TBC1D15: variants seen among roughly 807,000 people sequenced by gnomAD.
TBC1D15 encodes GAP for RAB7.
A neutral mutation model predicts 95.4 loss-of-function variants in TBC1D15; 39 were observed. The ratio of observed to expected loss-of-function variants is 0.41; its 90% CI spans 0.32 to 0.53. The LOEUF (loss-of-function observed/expected upper bound fraction) is 0.53, where lower values mean the gene tolerates loss of function less well. Ranked by LOEUF, TBC1D15 falls within the 20% of genes least tolerant of loss-of-function variation. The pLI is 0.29. For synonymous variants in TBC1D15, 258 were observed against 261.3 expected (o/e 0.99, Z 0.12); for missense variants, 733 against 794.3 (o/e 0.92, Z 0.93).
intron 10 of TBC1D15, among the ~76,000 whole-genome samples, chr12:71,898,759 G>A (rs1226056479): frequency 6.6e-6 from 1 of 152,060 alleles, no homozygotes; most frequent in Non-Finnish European, 1.5e-5. Flanking sequence ...TGTTACTGCT[G>A]TTAACACCCT....
chr12:71,884,625 T>C (rs1895867045), intron 4 of TBC1D15, among the ~76,000 whole-genome samples, 186 bp from the exon 5 acceptor site: 1 of 152,128 alleles, frequency 6.6e-6, no homozygotes, highest in African/African-American at 2.4e-5. Context: ...GATAATTATT[T>C]TAAAAATCAT....
At chr12:71,877,210 GTT>G (rs370164812) in intron 3 of TBC1D15, among the ~76,000 whole-genome samples, 2 of 133,872 alleles carry the variant, frequency 1.5e-5, no homozygotes, top group Non-Finnish European at 3.2e-5. Context: ...GTGTGTGTGT[GTT>G]TTTTTTTTTT....
chr12:71,885,640 G>A (rs1896074706), intron 5 of TBC1D15, among the ~76,000 whole-genome samples: 1 of 152,174 alleles, frequency 6.6e-6, no homozygotes, highest in African/African-American at 2.4e-5. Context: ...TGTGAAGGAT[G>A]TCAACAAGTA....
intron 1 of TBC1D15, among the ~76,000 whole-genome samples, chr12:71,847,705 C>T (rs1886684846): frequency 6.6e-6 from 1 of 150,916 alleles, no homozygotes; most frequent in African/African-American, 2.4e-5. Flanking sequence ...AAAAAAAACC[C>T]CACAAATAAT....
chr12:71,898,657 A>G (rs1016437637), intron 10 of TBC1D15, among the ~76,000 whole-genome samples: 3 of 152,140 alleles, frequency 2.0e-5, no homozygotes, highest in African/African-American at 7.2e-5. Flanking sequence ...ATTTTAGGAT[A>G]GCATTGGATA....
chr12:71,899,321 G>T (rs1898847444), intron 10 of TBC1D15, among the ~76,000 whole-genome samples: 1 of 152,150 alleles, frequency 6.6e-6, no homozygotes. Context: ...ATTTTTAGCA[G>T]ATAAAGTTGA....
chr12:71,913,791 G>A lies in TBC1D15; in HGVS notation c.1301-35G>A, dbSNP rs372574067. Reference sequence around the variant, plus strand: ...ACTTGCAGAAGGTTACATAAAACTTGGGTTTTCAGAGATGATTTTTTCTTT... The same window carrying A: ...ACTTGCAGAAGGTTACATAAAACTTAGGTTTTCAGAGATGATTTTTTCTTT... On this transcript the variant is annotated intron_variant, in intron 11 of 16. Coordinates refer to ENST00000485960, the MANE Select transcript of TBC1D15 (RefSeq NM_001146213.3). 55 of 1,448,170 alleles carry A rather than the reference G, an allele frequency of 3.8e-5. 1 individual carries two copies. The highest frequency in any genetic ancestry group is 4.8e-5 in the Non-Finnish European group (51 of 1,065,216). 89.7% of individuals were successfully genotyped at this position (1,448,170 alleles called of 1,614,324 possible).
chr12:71,903,329 A>G (rs1899894392), intron 10 of TBC1D15, among the ~76,000 whole-genome samples: 1 of 152,210 alleles, frequency 6.6e-6, no homozygotes, highest in African/African-American at 2.4e-5. Context: ...ACCATCTCCT[A>G]CTAGTCATGA....
intron 7 of TBC1D15, among the ~76,000 whole-genome samples, chr12:71,895,309 G>C (rs977301015): frequency 3.3e-5 from 5 of 151,930 alleles, no homozygotes; most frequent in African/African-American, 1.2e-4. Context: ...CCTGAATTAT[G>C]GCAGATCTTT....
At chr12:71,888,978 A>G (rs1896758640) in intron 5 of TBC1D15, among the ~76,000 whole-genome samples, 1 of 151,956 alleles carries the variant, frequency 6.6e-6, no homozygotes, top group Non-Finnish European at 1.5e-5. Context: ...AGTTGCAGCT[A>G]TAATAAGTGC....
At chr12:71,873,026 A>T in intron 3 of TBC1D15, 23 bp downstream of exon 3, 1 of 1,499,386 alleles carries the variant, frequency 6.7e-7, no homozygotes, top group Non-Finnish European at 9.1e-7. Context: ...AAAATGTGTT[A>T]CTAAGGGAAT....
At chr12:71,851,614 C>T (rs550233976) in intron 1 of TBC1D15, among the ~76,000 whole-genome samples, 2 of 152,218 alleles carry the variant, frequency 1.3e-5, no homozygotes, top group South Asian at 4.1e-4. Flanking sequence ...GGTAAATACT[C>T]CCATTCCAAA....
chr12:71,918,180 A>ATACT (rs1479697490), intron 13 of TBC1D15, among the ~76,000 whole-genome samples: 1 of 152,174 alleles, frequency 6.6e-6, no homozygotes, highest in Non-Finnish European at 1.5e-5. Context: ...AAAGACATAT[A>ATACT]TACTCTATTG....
intron 4 of TBC1D15, among the ~76,000 whole-genome samples, chr12:71,882,681 A>T (rs1486689753): frequency 1.3e-5 from 2 of 151,886 alleles, no homozygotes; most frequent in African/African-American, 4.8e-5. Context: ...TTTTATGTTG[A>T]CTTGATACTA....
chr12:71,849,914 C>T (rs1887338015), intron 1 of TBC1D15: 1 of 562,150 alleles, frequency 1.8e-6, no homozygotes, highest in Non-Finnish European at 3.5e-6. Flanking sequence ...TCTTGAGGAT[C>T]AGTGGCTGGA....
intron 6 of TBC1D15, among the ~76,000 whole-genome samples, chr12:71,893,774 AAATGTGCACTT>A: frequency 6.6e-6 from 1 of 152,102 alleles, no homozygotes; most frequent in East Asian, 1.9e-4. Context: ...ATTTGGCTAA[AAATGTGCACTT>A]AATAATAGGC....
At chr12:71,908,915 A>G (rs1210245942) in intron 11 of TBC1D15, among the ~76,000 whole-genome samples, 1 of 152,154 alleles carries the variant, frequency 6.6e-6, no homozygotes, top group African/African-American at 2.4e-5. Flanking sequence ...TCTTACCTCT[A>G]CACCTTCAGC....
chr12:71,893,176 G>A, intron 5 of TBC1D15, 46 bp from the exon 6 acceptor site: 1 of 814,844 alleles, frequency 1.2e-6, no homozygotes, highest in Non-Finnish European at 1.8e-6. Flanking sequence ...TGTAGTAATT[G>A]ATACAGTGTG....
At chr12:71,918,065 G>T (rs1269941515) in intron 13 of TBC1D15, among the ~76,000 whole-genome samples, 1 of 152,116 alleles carries the variant, frequency 6.6e-6, no homozygotes, top group African/African-American at 2.4e-5. Context: ...TGAGGTGGGA[G>T]GATTACTTGA....
Sources: allele counts gnomAD v4.1 joint callset (sites outside exome capture counted in the v4.1 genomes callset), GRCh38; gene constraint gnomAD v4.1.1; transcripts MANE v1.5; gene names NCBI Gene and HGNC (gene_info 2026-07-23, HGNC 2026-07-21).